The following SHANK2 variants were observed in gnomAD, a reference collection of about 807,000 sequenced individuals.
SHANK2 encodes SH3 and multiple ankyrin repeat domains protein 2.
SHANK2 carries 43 observed loss-of-function variants against 133.7 expected under a neutral mutation model. The observed-to-expected ratio is 0.32, with a 90% confidence interval of 0.25 to 0.41. The LOEUF (loss-of-function observed/expected upper bound fraction) is 0.41, where lower values mean the gene tolerates loss of function less well. Among genes scored for constraint, SHANK2 ranks in the 10% least tolerant of loss-of-function variants. The probability of loss-of-function intolerance (pLI) is 1.00; values close to 1 mark genes in which losing one functional copy is unlikely to be tolerated. For synonymous variants in SHANK2, 1,017 were observed against 952.8 expected, an observed-to-expected ratio of 1.07 and a Z score of -1.24; for missense variants, 1,994 against 2,235.8, an observed-to-expected ratio of 0.89 and a Z score of 2.18.
chr11:70,582,641 G>A (rs1284898276), intron 17 of SHANK2, among the ~76,000 whole-genome samples: 2 of 152,336 alleles, frequency 1.3e-5, no homozygotes. Context: ...GCACCCAGTC[G>A]GGTGTGGGGA....
At chr11:71,107,146 G>A (rs1951814392) in intron 6 of SHANK2, among the ~76,000 whole-genome samples, 1 of 152,132 alleles carries the variant, frequency 6.6e-6, no homozygotes, top group East Asian at 1.9e-4. Flanking sequence ...GAGGGGTAAT[G>A]ATTTCTGTCA....
At chr11:71,170,618 C>G (rs940287495) in intron 2 of SHANK2, among the ~76,000 whole-genome samples, 1 of 152,178 alleles carries the variant, frequency 6.6e-6, no homozygotes, top group Admixed American at 6.5e-5. Context: ...ATGTGGGCTT[C>G]CGCTGGTGCT....
chr11:70,874,972 AC>A (rs1330634643), intron 11 of SHANK2, among the ~76,000 whole-genome samples: 3 of 152,364 alleles, frequency 2.0e-5, no homozygotes, highest in Non-Finnish European at 4.4e-5. Context: ...TGTAACTATA[AC>A]AGGCTTCCCC....
chr11:70,646,050 G>A (rs1555008121), intron 17 of SHANK2: 1 of 152,240 alleles, frequency 6.6e-6, no homozygotes, highest in African/African-American at 2.4e-5. Context: ...AGAAGTGGCA[G>A]AGGTCATTAT....
In SHANK2 at chr11:70,511,259, TAC is replaced by T. The variant is rs549676744; in HGVS notation, c.2062-8330_2062-8329del. ...ACAAGGCAGGACTGGATACTTCAGT[TAC>T]ATTTCCCTACCCAGTTCAGCAGGGA... On this transcript the variant is annotated intron_variant, in intron 17 of 25. Coordinates refer to ENST00000601538, the MANE Select transcript of SHANK2 (RefSeq NM_012309.5). 1.9e-3 allele frequency among the ~76,000 whole-genome samples: 286 copies of T among 152,332 alleles called. 1 individual carries two copies. Among genetic ancestry groups the T allele is most frequent in the Middle Eastern group, 0.014 (4 of 294 alleles).
intron 11 of SHANK2, among the ~76,000 whole-genome samples, chr11:70,860,749 T>C (rs1406378936): frequency 1.3e-5 from 2 of 152,220 alleles, no homozygotes; most frequent in Non-Finnish European, 2.9e-5. Flanking sequence ...GCGCGATGGC[T>C]CATGCCTGTA....
At chr11:70,794,719 G>A (rs953339970) in intron 14 of SHANK2, among the ~76,000 whole-genome samples, 1 of 152,010 alleles carries the variant, frequency 6.6e-6, no homozygotes, top group East Asian at 1.9e-4. Context: ...ATCATGCCCA[G>A]CTAATTTTTG....
chr11:70,662,848 C>T (rs1050148981), intron 15 of SHANK2, among the ~76,000 whole-genome samples: 26 of 152,244 alleles, frequency 1.7e-4, no homozygotes, highest in African/African-American at 5.1e-4. Flanking sequence ...CTCCAGGCTG[C>T]GGCTGAACTG....
chr11:70,492,379 G>T lies in SHANK2; in HGVS notation c.2395C>A (p.Gln799Lys), dbSNP rs1555156094. The T allele has an allele frequency of 1.6e-5, 26 of 1,613,208 alleles. No homozygotes were observed. Among genetic ancestry groups the T allele is most frequent in the Non-Finnish European group, 2.2e-5 (26 of 1,180,024 alleles). The change falls in exon 22 of 26, where the codon CAG (glutamine) becomes AAG (lysine). Residue 799 changes from glutamine to lysine, a missense_variant. By Grantham distance (53) the Gln-to-Lys change is moderately conservative. Coordinates refer to ENST00000601538, the MANE Select transcript of SHANK2 (RefSeq NM_012309.5). ...GGGAAGCACCGGCTGCTGGGCCGCT[G>T]CTTGATGGTCGCCACCCTCGGTTCC... is the stretch of plus-strand genomic sequence containing the variant. ...AVEPRVATIK[Q>K]RPSSRCFPAG...
chr11:70,631,094 A>G (rs1420024971), intron 17 of SHANK2: 1 of 152,246 alleles, frequency 6.6e-6, no homozygotes, highest in Non-Finnish European at 1.5e-5. Context: ...GACCGGCAGG[A>G]ATGACAGAAG....
At chr11:71,118,520 G>A (rs115401016) in intron 4 of SHANK2, among the ~76,000 whole-genome samples, 3,189 of 152,146 alleles carry the variant, frequency 0.021, 113 homozygotes, top group African/African-American at 0.069. Flanking sequence ...ATCAGATCTC[G>A]TGAGACCTCA....
intron 14 of SHANK2, among the ~76,000 whole-genome samples, chr11:70,702,092 T>A (rs1465445291): frequency 6.8e-6 from 1 of 148,134 alleles, no homozygotes; most frequent in African/African-American, 2.5e-5. Flanking sequence ...GCCATCATCA[T>A]CACCATCTTC....
At chr11:70,550,031 C>T (rs1481694943) in intron 17 of SHANK2, among the ~76,000 whole-genome samples, 3 of 152,128 alleles carry the variant, frequency 2.0e-5, no homozygotes, top group Non-Finnish European at 4.4e-5. Flanking sequence ...CCCAGAAAAA[C>T]CGCACCGGCT....
intron 11 of SHANK2, among the ~76,000 whole-genome samples, chr11:70,858,294 T>C (rs781893289): frequency 1.3e-5 from 2 of 152,246 alleles, no homozygotes; most frequent in African/African-American, 4.8e-5. Flanking sequence ...TGTATTGCGC[T>C]GTGCGGCCAG....
At chr11:70,769,828 G>GGGGT (rs111528690) in intron 14 of SHANK2, among the ~76,000 whole-genome samples, 4 of 151,924 alleles carry the variant, frequency 2.6e-5, no homozygotes, top group Admixed American at 1.3e-4. Flanking sequence ...CACGTGTGTA[G>GGGGT]GTGTGTGTGT....
Position 70,485,815 on chromosome 11 carries a change from T to A in SHANK2, c.4478A>T (p.Glu1493Val), listed in dbSNP as rs1555153094. ...FDAVADSGIE[E>V]VDSRSSSDHH... ...GTCGCTGCTACTCCGGCTGTCCACC[T>A]CCTCGATCCCAGAGTCGGCGACGGC... The change falls in exon 25 of 26, where the codon GAG becomes GTG. Residue 1493 changes from glutamate (E) to valine (V), a missense_variant. Glu to Val is a moderately radical substitution (Grantham distance 121). Coordinates refer to ENST00000601538, the MANE Select transcript of SHANK2 (RefSeq NM_012309.5). This position sits in a 1 kb window ranked among gnomAD's most constrained non-coding sequence, Gnocchi z 5.8. 1 of 1,613,902 alleles carries A rather than the reference T, an allele frequency of 6.2e-7. No homozygotes were observed. The highest frequency in any genetic ancestry group is 8.5e-7 in the Non-Finnish European group (1 of 1,180,008).
intron 25 of SHANK2, chr11:70,477,330 T>C (rs910111859): frequency 1.1e-4 from 16 of 152,232 alleles, no homozygotes; most frequent in African/African-American, 3.9e-4. Flanking sequence ...TGAAAGCCCA[T>C]CCGTGGTGGT....
At chr11:70,771,685 C>T (rs79636756) in intron 14 of SHANK2, among the ~76,000 whole-genome samples, 188 of 152,118 alleles carry the variant, frequency 1.2e-3, no homozygotes, top group African/African-American at 3.9e-3. Flanking sequence ...CTGCCTCCAC[C>T]GGGAGGGGTG....
rs1009179977 is a variant in SHANK2 at position 71,082,431 on chromosome 11, C to T, written c.913-7156G>A. Among the ~76,000 whole-genome samples the T allele has an allele frequency of 2.6e-4, 40 of 152,340 alleles. 2 individuals carry two copies. Among genetic ancestry groups the T allele is most frequent in the Admixed American group, 2.5e-3 (38 of 15,302 alleles). Reference sequence around the variant, plus strand: ...TGGACACGGTGGGTACCACAGTACACTAGAAAAACCTCAATCTGAAGGAAG... The same window carrying T: ...TGGACACGGTGGGTACCACAGTACATTAGAAAAACCTCAATCTGAAGGAAG... On this transcript the variant is annotated intron_variant, in intron 8 of 25. Coordinates refer to ENST00000601538, the MANE Select transcript of SHANK2 (RefSeq NM_012309.5).
Sources: allele counts gnomAD v4.1 joint callset (sites outside exome capture counted in the v4.1 genomes callset), GRCh38; gene constraint gnomAD v4.1.1; non-coding constraint Gnocchi (gnomAD v3.1); transcripts MANE v1.5; gene names NCBI Gene and HGNC (gene_info 2026-07-23, HGNC 2026-07-21).